The following ICAM3 variants were observed in gnomAD, a reference collection of about 807,000 sequenced individuals.
The protein encoded by ICAM3 is intercellular adhesion molecule 3, also known as ICAM-3.
A neutral mutation model predicts 43.6 loss-of-function variants in ICAM3; 54 were observed. That is an observed-to-expected ratio of 1.24 (90% CI 0.99 to 1.55). The LOEUF is 1.55. Among genes scored for constraint, ICAM3 ranks in the 40% most tolerant of loss-of-function variants. The pLI, the probability that ICAM3 is intolerant of heterozygous loss-of-function variation, is 0.00. For missense variants in ICAM3, 715 were observed against 717.9 expected, an observed-to-expected ratio of 1.00 and a Z score of 0.05; for synonymous variants, 306 against 312.6, an observed-to-expected ratio of 0.98 and a Z score of 0.22.
At position 10,339,567 on chromosome 19, in the gene ICAM3, AG is replaced by A. The variant is rs1568320345; in HGVS notation, c.47del (p.Thr16IlefsTer8). The A allele has an allele frequency of 6.2e-7, 1 of 1,614,080 alleles. No homozygotes were observed. The highest frequency in any genetic ancestry group is 1.7e-5 in the Admixed American group (1 of 60,026). On this transcript the variant is annotated frameshift_variant, in exon 1 of 7. Coordinates refer to ENST00000160262, the MANE Select transcript of ICAM3 (RefSeq NM_002162.5). LOFTEE classifies it high-confidence loss of function. Reference protein sequence around the residue: ...PSVLWPRACWTLLVCCLLTPG... With the variant: ...PSVLWPRACWXLLVCCLLTPG... ...GGGTCAGCAGACAGCAGACCAGCAG[AG>A]TCCAGCAGGCCCTGGGCCACAACAC...
intron 2 of ICAM3, among the ~76,000 whole-genome samples, chr19:10,337,336 G>A (rs1039642027): frequency 9.3e-5 from 14 of 149,902 alleles, no homozygotes; most frequent in African/African-American, 3.4e-4. Context: ...AGAATCGCTT[G>A]AACCCGGAAG....
rs1215526795 is a variant in ICAM3 at position 10,335,664 on chromosome 19, C to G, written c.649+7G>C. 3.1e-6 allele frequency: 5 copies of G among 1,595,036 alleles called. No homozygotes were observed. Among genetic ancestry groups the G allele is most frequent in the Non-Finnish European group, 4.3e-6 (5 of 1,170,390 alleles). On this transcript the variant is annotated splice_region_variant and intron_variant, in intron 3 of 6. Coordinates refer to ENST00000160262, the MANE Select transcript of ICAM3 (RefSeq NM_002162.5). ...CGTCACCCACCGTCTGAAGCCCCTT[C>G]TCTCACCAAAGGTTCGGAGCTGGCG...
intron 2 of ICAM3, among the ~76,000 whole-genome samples, chr19:10,338,380 G>A (rs1410095957): frequency 6.7e-6 from 1 of 149,474 alleles, no homozygotes; most frequent in Non-Finnish European, 1.5e-5. Flanking sequence ...TCCAGCCTAG[G>A]CAAAAAGAGC....
rs780426591 is a variant in ICAM3, at chr19:10,335,203, A to T, written c.800T>A (p.Val267Asp). ...ALGDQMLNAT[V>D]MNHGDTLTAT... is the part of the protein sequence containing the mutation. The stretch of plus-strand genomic sequence containing the variant: ...CGTTAGCGTGTCCCCGTGGTTCATG[A>T]CTGTCGCATTCAGCATCTGGTCCCC... The change falls in exon 4 of 7, where the codon GTC becomes GAC. Residue 267 changes from valine (V) to aspartate (D), a missense_variant. Physicochemically the swap from Val to Asp is radical, Grantham distance 152. Coordinates refer to ENST00000160262, the MANE Select transcript of ICAM3 (RefSeq NM_002162.5). 3.7e-6 allele frequency: 6 copies of T among 1,613,698 alleles called. No individual in the cohort carries two copies. In the Middle Eastern group the frequency reaches 5.0e-4, roughly 133 times the overall value.
chr19:10,335,587 A>G (rs1599311932), intron 3 of ICAM3, 84 bp downstream of exon 3: 1 of 1,351,904 alleles, frequency 7.4e-7, no homozygotes, highest in Non-Finnish European at 1.0e-6. Flanking sequence ...GGTCCGGGGT[A>G]CCCCACTCTC....
In ICAM3 at chr19:10,334,254, C is replaced by T. The variant is rs150715220; in HGVS notation, c.1347G>A (p.Pro449=). ...CATTATGTGTTACGTTGACGAAGAA[C>T]GGGATCCCCACCGGCACCTCCCGGC... The part of the protein sequence containing the change: ...GSSREVPVGI[P]FFVNVTHNGT... Residue 449 remains proline, a synonymous_variant, in exon 6 of 7, where the codon CCG becomes CCA. Coordinates refer to ENST00000160262, the MANE Select transcript of ICAM3 (RefSeq NM_002162.5). This position sits in a 1 kb window ranked among gnomAD's most constrained non-coding sequence, Gnocchi z 5.5. 5.0e-6 allele frequency: 8 copies of T among 1,614,154 alleles called. No individual in the cohort carries two copies. The highest frequency in any genetic ancestry group is 4.5e-5 in the East Asian group (2 of 44,880).
At chr19:10,336,356 A>G in intron 2 of ICAM3, 1 of 232,146 alleles carries the variant, frequency 4.3e-6, no homozygotes, top group Non-Finnish European at 8.7e-6. Flanking sequence ...TGGGTGGATC[A>G]AAAGGTCAGG....
chr19:10,339,135 T>G, intron 1 of ICAM3, 187 bp from the exon 2 acceptor site: 1 of 649,404 alleles, frequency 1.5e-6, no homozygotes. Flanking sequence ...GAAGAGGCTC[T>G]GATCCAGCAT....
intron 2 of ICAM3, 90 bp from the exon 3 acceptor site, chr19:10,336,066 C>T (rs2040596216): frequency 1.6e-6 from 2 of 1,219,850 alleles, no homozygotes; most frequent in Non-Finnish European, 2.2e-6. Flanking sequence ...GTGGTCCTGC[C>T]GAGAACTGTG....
rs1404553730 is a variant in ICAM3 at position 10,334,209 on chromosome 19, C to G, written c.1392G>C (p.Ala464=). The G allele has an allele frequency of 6.2e-7, 1 of 1,614,042 alleles. No homozygotes were observed. Among genetic ancestry groups the G allele is most frequent in the Non-Finnish European group, 8.5e-7 (1 of 1,180,000 alleles). ...GGGTGTATTTGCCTCGTGAGCTGGA[C>G]GCTTGGCACTGATAAGTACCATTAT... is the stretch of plus-strand genomic sequence containing the variant. ...VTHNGTYQCQ[A]SSSRGKYTLV... The change falls in exon 6 of 7, where the codon GCG becomes GCC. Residue 464 remains alanine, a synonymous_variant. Transcript: ENST00000160262. The surrounding 1 kb of genome is among the most constrained non-coding windows in gnomAD (Gnocchi z 5.5).
At chr19:10,339,397 A>T in intron 1 of ICAM3, 142 bp downstream of exon 1, 1 of 717,506 alleles carries the variant, frequency 1.4e-6, no homozygotes, top group Non-Finnish European at 2.3e-6. Flanking sequence ...CTAAGGAACC[A>T]GAACTTTCTC....
Position 10,338,762 on chromosome 19 carries a change from A to G in ICAM3, c.263T>C (p.Val88Ala). The change falls in exon 2 of 7, where the codon GTG becomes GCG. Residue 88 changes from valine to alanine, a missense_variant. Val to Ala is a moderately conservative substitution (Grantham distance 64, BLOSUM62 0). Transcript: ENST00000160262. ...GCAGAGGATCCGACTGTTGCCAGTC[A>G]CGTTGCTGAGATTGAAGGCTGCCCA... ...MGWAAFNLSN[V>A]TGNSRILCSV... 1 of 1,614,192 alleles carries G rather than the reference A, an allele frequency of 6.2e-7. No homozygotes were observed. Among genetic ancestry groups the G allele is most frequent in the Non-Finnish European group, 8.5e-7 (1 of 1,180,022 alleles).
rs372160230 is a variant in ICAM3, at chr19:10,334,607, G to C, written c.1113C>G (p.Arg371=). 3.1e-6 allele frequency: 5 copies of C among 1,613,774 alleles called. No individual in the cohort carries two copies. In the Admixed American group the frequency reaches 5.0e-5, roughly 16 times the overall value. Residue 371 remains arginine (R), a synonymous_variant, in exon 5 of 7, where the codon CGC becomes CGG. Transcript: ENST00000160262. This position sits in a 1 kb window ranked among gnomAD's most constrained non-coding sequence, Gnocchi z 5.5. ...CGAGAGTGGCACTGCAGAAGAAGCTGCGTCCGTCGTCACTCTCGGTAGCAT... is the reference window on the plus strand; with the variant it reads ...CGAGAGTGGCACTGCAGAAGAAGCTCCGTCCGTCGTCACTCTCGGTAGCAT... ...QLNATESDDG[R]SFFCSATLEV...
At chr19:10,335,508 CG>C in intron 3 of ICAM3, 155 bp from the exon 4 acceptor site, 1 of 1,091,112 alleles carries the variant, frequency 9.2e-7, no homozygotes, top group Non-Finnish European at 1.3e-6. Context: ...AAAGATCCCA[CG>C]GCTCGGGCCT....
At chr19:10,337,416 C>CA (rs1227458863) in intron 2 of ICAM3, among the ~76,000 whole-genome samples, 12,073 of 71,322 alleles carry the variant, frequency 0.17, 659 homozygotes, top group Non-Finnish European at 0.21. Context: ...GACTCTGTCT[C>CA]AAAAAAAAAA....
At chr19:10,336,884 C>T (rs887071983) in intron 2 of ICAM3, among the ~76,000 whole-genome samples, 1 of 148,740 alleles carries the variant, frequency 6.7e-6, no homozygotes, top group African/African-American at 2.5e-5. Flanking sequence ...CCGAGGGAGG[C>T]GGATCACTTG....
At chr19:10,336,964 G>A (rs1448648698) in intron 2 of ICAM3, among the ~76,000 whole-genome samples, 2 of 151,540 alleles carry the variant, frequency 1.3e-5, no homozygotes, top group Non-Finnish European at 2.9e-5. Context: ...ACAAAAATTA[G>A]CCGGGCATGG....
At chr19:10,336,982 C>G (rs1257480418) in intron 2 of ICAM3, among the ~76,000 whole-genome samples, 1 of 148,038 alleles carries the variant, frequency 6.8e-6, no homozygotes, top group Non-Finnish European at 1.5e-5. Context: ...TGGTGTCACA[C>G]GCCTGTAATC....
At chr19:10,336,042 G>A (rs2040595985) in intron 2 of ICAM3, 66 bp from the exon 3 acceptor site, 1 of 1,421,848 alleles carries the variant, frequency 7.0e-7, no homozygotes, top group South Asian at 1.4e-5. Context: ...CCCAGGGACT[G>A]GGGAGGAGAC....
Sources: allele counts gnomAD v4.1 joint callset (sites outside exome capture counted in the v4.1 genomes callset), GRCh38; gene constraint gnomAD v4.1.1; non-coding constraint Gnocchi (gnomAD v3.1); transcripts MANE v1.5; gene names NCBI Gene and HGNC (gene_info 2026-07-23, HGNC 2026-07-21).